The following PAQR5 variants were observed in gnomAD, a reference collection of about 807,000 sequenced individuals.
PAQR5 encodes progestin and adipoQ receptor family member 5.
In PAQR5, 20 loss-of-function variants were observed where a neutral mutation model predicts 34.5. The observed-to-expected ratio is 0.58, with a 90% CI of 0.41 to 0.84. The LOEUF (loss-of-function observed/expected upper bound fraction) is 0.84. Among genes scored for constraint, PAQR5 ranks in the 40% least tolerant of loss-of-function variants. The pLI is 0.00. For synonymous variants in PAQR5, 131 were observed against 155.6 expected, an observed-to-expected ratio of 0.84 and a Z score of 1.18; for missense variants, 378 against 412.7, an observed-to-expected ratio of 0.92 and a Z score of 0.73.
intron 2 of PAQR5, among the ~76,000 whole-genome samples, chr15:69,344,861 C>T (rs531829198): frequency 6.6e-6 from 1 of 152,106 alleles, no homozygotes; most frequent in South Asian, 2.1e-4. Flanking sequence ...TTTGGAAGGT[C>T]GAGGCAGGTG....
At chr15:69,350,378 C>T (rs1248460929) in intron 2 of PAQR5, among the ~76,000 whole-genome samples, 1 of 152,188 alleles carries the variant, frequency 6.6e-6, no homozygotes, top group Non-Finnish European at 1.5e-5. Flanking sequence ...CATGGTGGCT[C>T]ACACCTGTAA....
At chr15:69,310,067 C>A (rs200076700) in intron 1 of PAQR5, among the ~76,000 whole-genome samples, 4 of 147,264 alleles carry the variant, frequency 2.7e-5, no homozygotes, top group Non-Finnish European at 4.5e-5. Context: ...ACAAAAAAAA[C>A]AAAACGAAAC....
intron 1 of PAQR5, among the ~76,000 whole-genome samples, chr15:69,303,752 C>A (rs1012282379): frequency 3.3e-5 from 5 of 152,130 alleles, no homozygotes; most frequent in Non-Finnish European, 7.3e-5. Context: ...CCCAGGGAAG[C>A]CTTGGGGTTC....
At chr15:69,343,332 T>TG in intron 2 of PAQR5, among the ~76,000 whole-genome samples, 1 of 152,356 alleles carries the variant, frequency 6.6e-6, no homozygotes. Context: ...ATAGGCTGTC[T>TG]GGGGGAACGC....
At chr15:69,306,693 G>GC (rs1340824103) in intron 1 of PAQR5, among the ~76,000 whole-genome samples, 3 of 151,984 alleles carry the variant, frequency 2.0e-5, no homozygotes, top group South Asian at 2.1e-4. Context: ...GTGAGCCACC[G>GC]CCCCCCGCCC....
intron 2 of PAQR5, among the ~76,000 whole-genome samples, chr15:69,355,578 G>A (rs551608070): frequency 4.2e-4 from 64 of 151,364 alleles, no homozygotes; most frequent in Admixed American, 3.4e-3. Flanking sequence ...TCGCCACCAC[G>A]CCCAGCTAAT....
rs866002018 is a variant in PAQR5 at position 69,322,754 on chromosome 15, A to T, written c.-276-14587A>T. ...AAGAAGAAGAAGAAGAAGAAGAAGA[A>T]GAAGAAGAAGAAGAAGAGGGAGAAG... is the stretch of plus-strand genomic sequence containing the variant. On this transcript the variant is annotated intron_variant, in intron 1 of 8. Transcript: ENST00000395407. 1.2e-3 allele frequency among the ~76,000 whole-genome samples: 35 copies of T among 28,614 alleles called. 7 individuals are homozygous for T. The highest frequency in any genetic ancestry group is 2.4e-3 in the Non-Finnish European group (32 of 13,272). The allele number at this position is 28,614 out of a possible 152,430, so 18.8% of individuals were successfully genotyped here. A position where few individuals can be genotyped will look rare whatever the true frequency, so the allele number is the denominator to read the frequency against.
intron 3 of PAQR5, among the ~76,000 whole-genome samples, chr15:69,362,560 A>G (rs867118732): frequency 2.6e-5 from 4 of 152,230 alleles, no homozygotes; most frequent in Admixed American, 2.6e-4. Flanking sequence ...GTGGGTTCCA[A>G]TACTTGGTTT....
intron 1 of PAQR5, among the ~76,000 whole-genome samples, chr15:69,305,618 C>T (rs1414650608): frequency 6.6e-6 from 1 of 152,042 alleles, no homozygotes; most frequent in African/African-American, 2.4e-5. Flanking sequence ...ATCATCTATT[C>T]ATGCCCTAGG....
intron 1 of PAQR5, among the ~76,000 whole-genome samples, chr15:69,316,907 C>T (rs1467477137): frequency 6.6e-6 from 1 of 152,216 alleles, no homozygotes; most frequent in Non-Finnish European, 1.5e-5. Flanking sequence ...GCAACACCTG[C>T]CTCCTGGGTT....
intron 6 of PAQR5, among the ~76,000 whole-genome samples, chr15:69,390,064 G>A (rs535349033): frequency 3.3e-5 from 5 of 152,318 alleles, no homozygotes; most frequent in African/African-American, 1.2e-4. Flanking sequence ...CACCCAGGCT[G>A]AAGTGTGATG....
chr15:69,319,150 AATATATACATATATAT>A (rs2054023740), intron 1 of PAQR5, among the ~76,000 whole-genome samples: 1 of 96,780 alleles, frequency 1.0e-5, no homozygotes, highest in African/African-American at 4.6e-5. Flanking sequence ...TATATATATA[AATATATACATATATAT>A]ATATATATAT....
intron 3 of PAQR5, among the ~76,000 whole-genome samples, chr15:69,375,580 C>A (rs544987011): frequency 6.6e-6 from 1 of 152,228 alleles, no homozygotes; most frequent in East Asian, 1.9e-4. Context: ...TCGACAGAGC[C>A]CTCCCCAGGC....
chr15:69,354,060 C>T (rs929395390), intron 2 of PAQR5, among the ~76,000 whole-genome samples: 3 of 152,154 alleles, frequency 2.0e-5, no homozygotes, highest in Non-Finnish European at 4.4e-5. Context: ...TTAGAATTAT[C>T]CTGCTCTGTG....
At chr15:69,364,561 G>T (rs906771975) in intron 3 of PAQR5, among the ~76,000 whole-genome samples, 1 of 115,304 alleles carries the variant, frequency 8.7e-6, no homozygotes, top group African/African-American at 4.3e-5. Context: ...TATATAACGA[G>T]TTGTGATAGC....
intron 3 of PAQR5, among the ~76,000 whole-genome samples, chr15:69,372,922 T>C (rs2055603222): frequency 6.6e-6 from 1 of 152,150 alleles, no homozygotes; most frequent in Non-Finnish European, 1.5e-5. Context: ...AACAAATATA[T>C]GATCTTACAG....
chr15:69,308,184 G>T (rs1024316379), intron 1 of PAQR5, among the ~76,000 whole-genome samples: 2 of 152,204 alleles, frequency 1.3e-5, no homozygotes, highest in African/African-American at 4.8e-5. Flanking sequence ...CCCTGGGCAT[G>T]TCATATCAAT....
chr15:69,361,091 G>A (rs2055219333), intron 3 of PAQR5, among the ~76,000 whole-genome samples: 1 of 152,196 alleles, frequency 6.6e-6, no homozygotes, highest in Non-Finnish European at 1.5e-5. Context: ...TAATAGGCAA[G>A]CTACACGTGT....
At chr15:69,362,198 C>T (rs991997745) in intron 3 of PAQR5, among the ~76,000 whole-genome samples, 2 of 152,164 alleles carry the variant, frequency 1.3e-5, no homozygotes, top group African/African-American at 4.8e-5. Context: ...CATGTCCTCT[C>T]TGTCCAGTTT....
Sources: gnomAD v4.1 joint callset for allele counts (sites outside exome capture counted in the v4.1 genomes callset) on GRCh38, gnomAD v4.1.1 for gene constraint, MANE v1.5 for transcripts, NCBI Gene and HGNC (gene_info 2026-07-23, HGNC 2026-07-21) for gene names.